The following NOSIP variants were observed in gnomAD, a reference collection of about 807,000 sequenced individuals.
NOSIP encodes nitric oxide synthase interacting protein.
NOSIP carries 25 observed loss-of-function variants against 36.4 expected under a neutral mutation model. The ratio of observed to expected loss-of-function variants is 0.69; its 90% confidence interval spans 0.50 to 0.96. The LOEUF (loss-of-function observed/expected upper bound fraction) is 0.96, where lower values mean the gene tolerates loss of function less well. NOSIP is among the 40% of genes least tolerant of loss of function. The probability of loss-of-function intolerance (pLI) is 0.00; values close to 1 mark genes in which losing one functional copy is unlikely to be tolerated. For missense variants in NOSIP, 370 were observed against 429.0 expected, an observed-to-expected ratio of 0.86 and a Z score of 1.21; for synonymous variants, 187 against 179.2, an observed-to-expected ratio of 1.04 and a Z score of -0.35.
intron 1 of NOSIP, among the ~76,000 whole-genome samples, chr19:49,576,137 A>T (rs1027023172): frequency 4.9e-5 from 6 of 122,468 alleles, no homozygotes; most frequent in African/African-American, 2.0e-4. Context: ...TCCATCTTAT[A>T]AAAAAAAAAT....
At chr19:49,574,274 G>A (rs762261541) in intron 1 of NOSIP, among the ~76,000 whole-genome samples, 12 of 152,164 alleles carry the variant, frequency 7.9e-5, no homozygotes, top group Non-Finnish European at 7.3e-5. Flanking sequence ...GTTTGATTAA[G>A]TCACTCTCTT....
At chr19:49,565,721 G>A (rs1018070919) in intron 1 of NOSIP, among the ~76,000 whole-genome samples, 4 of 151,842 alleles carry the variant, frequency 2.6e-5, no homozygotes, top group Admixed American at 6.6e-5. Context: ...TGGAGCCACT[G>A]CTCTCCAGCC....
intron 7 of NOSIP, 27 bp downstream of exon 7, chr19:49,556,522 C>T: frequency 6.2e-7 from 1 of 1,605,176 alleles, no homozygotes; most frequent in Non-Finnish European, 8.5e-7. Context: ...CCGAGTGGTC[C>T]CTTCCCTCCC....
At chr19:49,572,972 C>CAAAAAA (rs5828405) in intron 1 of NOSIP, among the ~76,000 whole-genome samples, 1 of 60,772 alleles carries the variant, frequency 1.6e-5, no homozygotes, top group Non-Finnish European at 3.3e-5. Context: ...GACTGTGTCT[C>CAAAAAA]AAAAAAAAAA....
intron 1 of NOSIP, among the ~76,000 whole-genome samples, chr19:49,574,553 A>C (rs1213335915): frequency 6.6e-6 from 1 of 152,306 alleles, no homozygotes; most frequent in East Asian, 1.9e-4. Context: ...TCCAGCTGCC[A>C]TAACAAAACA....
intron 1 of NOSIP, among the ~76,000 whole-genome samples, chr19:49,562,836 C>T (rs1308654996): frequency 1.3e-5 from 2 of 152,084 alleles, no homozygotes; most frequent in African/African-American, 2.4e-5. Context: ...GTGGAGATTG[C>T]ACCACTACAC....
At chr19:49,561,164 G>C (rs11879680) in intron 1 of NOSIP, among the ~76,000 whole-genome samples, 2 of 152,070 alleles carry the variant, frequency 1.3e-5, no homozygotes, top group East Asian at 3.9e-4. Context: ...ACTTAGCTAA[G>C]GCTTGACACT....
chr19:49,560,776 C>G lies in NOSIP; in HGVS notation c.-1-84G>C. The stretch of plus-strand genomic sequence containing the variant: ...GACCTCTGCAGCCCTCAGAGCTGAT[C>G]TGCCCCCCTTGATGGGAAAGCGGAG... On this transcript the variant is annotated intron_variant, in intron 1 of 8. Transcript: ENST00000596358. This position sits in a 1 kb window ranked among gnomAD's most constrained non-coding sequence, Gnocchi z 4.6. 1 of 1,043,288 alleles carries G rather than the reference C, an allele frequency of 9.6e-7. No individual in the cohort carries two copies. Among genetic ancestry groups the G allele is most frequent in the East Asian group, 2.6e-5 (1 of 38,402 alleles). The allele number at this position is 1,043,288 out of a possible 1,614,324, so 64.6% of individuals were successfully genotyped here. A position where few individuals can be genotyped will look rare whatever the true frequency, so the allele number is the denominator to read the frequency against.
chr19:49,556,944 G>T lies in NOSIP; in HGVS notation c.468C>A (p.Asp156Glu). 6.2e-7 allele frequency: 1 copy of T among 1,612,992 alleles called. No homozygotes were observed. The highest frequency in any genetic ancestry group is 8.5e-7 in the Non-Finnish European group (1 of 1,179,512). Residue 156 changes from aspartate to glutamate, a missense_variant, in exon 6 of 9, where the codon GAC (aspartate) becomes GAA (glutamate). Transcript: ENST00000596358. The stretch of plus-strand genomic sequence containing the variant: ...GGATCCAGAAGCTGGGCAGCACTTT[G>T]TCCTTGTCCTTACTTGGAGGACCCA... ...PSVGPPSKDK[D>E]KVLPSFWIPS...
At chr19:49,556,056 G>C (rs1383692192) in intron 8 of NOSIP, among the ~76,000 whole-genome samples, 2 of 144,766 alleles carry the variant, frequency 1.4e-5, no homozygotes, top group African/African-American at 5.2e-5. Flanking sequence ...GCGTGTGGAG[G>C]GGGTGGAGCC....
intron 1 of NOSIP, among the ~76,000 whole-genome samples, chr19:49,573,902 C>T (rs1313466648): frequency 3.3e-5 from 5 of 150,320 alleles, no homozygotes; most frequent in South Asian, 2.1e-4. Context: ...CTCTGTCACC[C>T]GGACTGGAGT....
chr19:49,576,777 G>C (rs748244489), intron 1 of NOSIP, among the ~76,000 whole-genome samples: 3 of 151,380 alleles, frequency 2.0e-5, no homozygotes, highest in African/African-American at 4.9e-5. Context: ...CCAGCTACTC[G>C]GGAGGCTGAA....
At chr19:49,555,870 A>T (rs1182093815) in intron 8 of NOSIP, 48 bp from the exon 9 acceptor site, 3 of 1,400,568 alleles carry the variant, frequency 2.1e-6, no homozygotes, top group Non-Finnish European at 3.0e-6. Context: ...CCCGGGGGTG[A>T]CCAGTGGGGC....
intron 1 of NOSIP, among the ~76,000 whole-genome samples, chr19:49,572,599 G>C (rs914394491): frequency 1.2e-4 from 18 of 151,592 alleles, no homozygotes; most frequent in Non-Finnish European, 2.4e-4. Flanking sequence ...TTTTATATTT[G>C]TATTTTTAGC....
At chr19:49,562,599 G>A (rs371866715) in intron 1 of NOSIP, among the ~76,000 whole-genome samples, 4 of 152,102 alleles carry the variant, frequency 2.6e-5, no homozygotes, top group Non-Finnish European at 4.4e-5. Flanking sequence ...AGAAGTTGAT[G>A]GCCAGGTGCA....
At chr19:49,564,440 C>T (rs1262946633) in intron 1 of NOSIP, among the ~76,000 whole-genome samples, 15 of 124,428 alleles carry the variant, frequency 1.2e-4, no homozygotes, top group Admixed American at 9.7e-4. Context: ...GGGGACAGAG[C>T]GAGACTCCAT....
chr19:49,580,494 C>G (rs750427177), intron 1 of NOSIP, 21 bp downstream of exon 1: 1 of 152,204 alleles, frequency 6.6e-6, no homozygotes, highest in Non-Finnish European at 1.5e-5. Flanking sequence ...CAACACTCTT[C>G]CTGCACCGCC....
In NOSIP at chr19:49,556,917, C is replaced by T. The variant is rs2080258057; in HGVS notation, c.495G>A (p.Pro165=). The T allele has an allele frequency of 1.9e-6, 3 of 1,613,576 alleles. No individual in the cohort carries two copies. The highest frequency in any genetic ancestry group is 1.1e-5 in the South Asian group (1 of 91,034). The part of the protein sequence containing the change: ...KDKVLPSFWI[P]SLTPEAKATK... ...TGGCCTTGGCTTCGGGCGTCAGCGA[C>T]GGGATCCAGAAGCTGGGCAGCACTT... The change falls in exon 6 of 9, where the codon CCG becomes CCA. Residue 165 remains proline, a synonymous_variant. Coordinates refer to ENST00000596358, the MANE Select transcript of NOSIP (RefSeq NM_001270960.2).
Position 49,560,324 on chromosome 19 carries a change from C to T in NOSIP, c.71-285G>A, listed in dbSNP as rs2080315076. 3 of 576,364 alleles carry T rather than the reference C, an allele frequency of 5.2e-6. No individual in the cohort carries two copies. The highest frequency in any genetic ancestry group is 4.7e-4 in the Middle Eastern group (1 of 2,150). 35.7% of individuals were successfully genotyped at this position (576,364 alleles called of 1,614,324 possible). A position where few individuals can be genotyped will look rare whatever the true frequency, so the allele number is the denominator to read the frequency against. ...CTCCACCCTTCTGACTGTGACCAAG[C>T]TCAAGTGCCTGTCCCTCTTTGGGCC... On this transcript the variant is annotated intron_variant, in intron 2 of 8. Transcript: ENST00000596358. The surrounding 1 kb of genome is among the most constrained non-coding windows in gnomAD (Gnocchi z 4.6).
Sources: allele counts gnomAD v4.1 joint callset (sites outside exome capture counted in the v4.1 genomes callset), GRCh38; gene constraint gnomAD v4.1.1; non-coding constraint Gnocchi (gnomAD v3.1); transcripts MANE v1.5; gene names NCBI Gene and HGNC (gene_info 2026-07-23, HGNC 2026-07-21).